The following RXFP1 variants were observed in gnomAD, a reference collection of about 807,000 sequenced individuals.
RXFP1 encodes the protein relaxin family peptide receptor 1, also known as relaxin receptor 1.
In RXFP1, 73 loss-of-function variants were observed where a neutral mutation model predicts 89.8. The ratio of observed to expected loss-of-function variants is 0.81; its 90% CI spans 0.67 to 0.99. RXFP1 has a LOEUF of 0.99. Ranked by LOEUF, RXFP1 falls within the 50% of genes least tolerant of loss-of-function variation. The pLI is 0.00. For synonymous variants in RXFP1, 277 were observed against 305.5 expected (o/e 0.91, Z 0.97); for missense variants, 793 against 895.5 (o/e 0.89, Z 1.46).
At chr4:158,552,497 A>T (rs1161386077) in intron 1 of RXFP1, among the ~76,000 whole-genome samples, 1 of 152,176 alleles carries the variant, frequency 6.6e-6, no homozygotes, top group Non-Finnish European at 1.5e-5. Context: ...ATTCTTCAAA[A>T]CCTAGGCATT....
chr4:158,561,819 G>A (rs1445439445), intron 1 of RXFP1, among the ~76,000 whole-genome samples: 6 of 151,522 alleles, frequency 4.0e-5, no homozygotes, highest in African/African-American at 1.5e-4. Context: ...GTAGGGACAG[G>A]GTTTCACCAT....
chr4:158,537,448 A>C (rs885180), intron 1 of RXFP1, among the ~76,000 whole-genome samples: 33,863 of 152,022 alleles, frequency 0.22, 5,401 homozygotes, highest in African/African-American at 0.44. Flanking sequence ...GTCTTGGTGG[A>C]AGACTATGTT....
chr4:158,639,289 T>G lies in RXFP1; in HGVS notation c.1073T>G (p.Ile358Ser). 1 of 1,573,018 alleles carries G rather than the reference T, an allele frequency of 6.4e-7. No homozygotes were observed. Among genetic ancestry groups the G allele is most frequent in the Non-Finnish European group, 8.8e-7 (1 of 1,142,720 alleles). ...LSLEGIEISNIQQRMFRPLMN... is the reference protein window; with the variant it reads ...LSLEGIEISNSQQRMFRPLMN... ...CTAGAAGGGATTGAAATTTCAAATA[T>G]CCAACAAAGGATGTTTAGACCTCTT... The change falls in exon 14 of 18, where the codon ATC (isoleucine) becomes AGC (serine). Residue 358 changes from isoleucine to serine, a missense_variant. Transcript: ENST00000307765.
intron 1 of RXFP1, among the ~76,000 whole-genome samples, chr4:158,536,439 A>G (rs1036711044): frequency 2.0e-5 from 3 of 152,210 alleles, no homozygotes; most frequent in Non-Finnish European, 4.4e-5. Context: ...AAATGCGTCA[A>G]TCAGAGATAA....
chr4:158,535,582 A>G (rs1560959853), intron 1 of RXFP1, among the ~76,000 whole-genome samples: 2 of 152,270 alleles, frequency 1.3e-5, no homozygotes, highest in Non-Finnish European at 2.9e-5. Context: ...GGGCATGGCC[A>G]TTGCACTTGA....
chr4:158,626,751 A>T, intron 9 of RXFP1, 69 bp from the exon 10 acceptor site: 1 of 976,670 alleles, frequency 1.0e-6, no homozygotes, highest in Middle Eastern at 2.1e-4. Flanking sequence ...TAGAAGGCAA[A>T]TAATTTTAAC....
chr4:158,581,413 C>T (rs547591125), intron 2 of RXFP1, among the ~76,000 whole-genome samples: 1 of 152,250 alleles, frequency 6.6e-6, no homozygotes, highest in Non-Finnish European at 1.5e-5. Context: ...AAAGAACATG[C>T]TTATGATGTT....
At chr4:158,609,962 T>C (rs1162236828) in intron 6 of RXFP1, among the ~76,000 whole-genome samples, 1 of 151,862 alleles carries the variant, frequency 6.6e-6, no homozygotes, top group Admixed American at 6.6e-5. Flanking sequence ...AGTGCTGGAG[T>C]GTTGTTGAGT....
intron 1 of RXFP1, among the ~76,000 whole-genome samples, chr4:158,540,506 C>T (rs1746348305): frequency 6.6e-6 from 1 of 151,686 alleles, no homozygotes; most frequent in Non-Finnish European, 1.5e-5. Context: ...TTTTGGCTGG[C>T]TTCTGTACCG....
chr4:158,621,306 G>GAC (rs1765590055), intron 9 of RXFP1, among the ~76,000 whole-genome samples: 1 of 152,084 alleles, frequency 6.6e-6, no homozygotes. Context: ...AGGGAGACTT[G>GAC]TCTCTGGAAA....
intron 5 of RXFP1, among the ~76,000 whole-genome samples, chr4:158,607,471 A>G (rs1193309955): frequency 6.6e-6 from 1 of 152,238 alleles, no homozygotes; most frequent in African/African-American, 2.4e-5. Context: ...GGGACATTAA[A>G]AACATCATAC....
chr4:158,536,272 T>TA (rs1449203015), intron 1 of RXFP1, among the ~76,000 whole-genome samples: 2 of 152,212 alleles, frequency 1.3e-5, no homozygotes, highest in Admixed American at 6.5e-5. Context: ...TTACTCTCTC[T>TA]ATTTTAATAT....
chr4:158,566,183 T>A (rs1401323856), intron 1 of RXFP1, among the ~76,000 whole-genome samples: 2 of 152,204 alleles, frequency 1.3e-5, no homozygotes, highest in East Asian at 3.8e-4. Context: ...CATGTTAAAT[T>A]CCTGATTTTA....
chr4:158,531,344 C>T (rs1017880908), intron 1 of RXFP1, among the ~76,000 whole-genome samples: 1 of 152,216 alleles, frequency 6.6e-6, no homozygotes, highest in African/African-American at 2.4e-5. Context: ...TGACTCTTCA[C>T]TGTTTCTCTC....
At chr4:158,530,739 G>A (rs1203558226) in intron 1 of RXFP1, among the ~76,000 whole-genome samples, 3 of 152,080 alleles carry the variant, frequency 2.0e-5, no homozygotes, top group Non-Finnish European at 4.4e-5. Context: ...AATTGCAGTC[G>A]TTACCCCTGA....
intron 4 of RXFP1, among the ~76,000 whole-genome samples, chr4:158,600,420 G>C (rs1010982666): frequency 6.6e-6 from 1 of 152,092 alleles, no homozygotes; most frequent in African/African-American, 2.4e-5. Context: ...TATCAGCAGA[G>C]TTTTCCAAAA....
At chr4:158,540,808 G>A (rs1421717825) in intron 1 of RXFP1, among the ~76,000 whole-genome samples, 1 of 152,108 alleles carries the variant, frequency 6.6e-6, no homozygotes, top group Non-Finnish European at 1.5e-5. Context: ...CCGTACAGGT[G>A]TGGGGAGCAC....
At chr4:158,590,398 G>T (rs1240481899) in intron 2 of RXFP1, among the ~76,000 whole-genome samples, 1 of 152,150 alleles carries the variant, frequency 6.6e-6, no homozygotes, top group Non-Finnish European at 1.5e-5. Context: ...GACCTCAAGT[G>T]ATCTGCCTGC....
At chr4:158,548,288 G>T (rs952954088) in intron 1 of RXFP1, among the ~76,000 whole-genome samples, 8 of 151,816 alleles carry the variant, frequency 5.3e-5, no homozygotes, top group Admixed American at 3.3e-4. Flanking sequence ...CCTTTTTTTG[G>T]TTTCCATTTG....
Sources: gnomAD v4.1 joint callset for allele counts (sites outside exome capture counted in the v4.1 genomes callset) on GRCh38, gnomAD v4.1.1 for gene constraint, MANE v1.5 for transcripts, NCBI Gene and HGNC (gene_info 2026-07-23, HGNC 2026-07-21) for gene names.